The following ALDH1A2 variants were observed in gnomAD, a reference collection of about 807,000 sequenced individuals.
ALDH1A2 encodes the protein aldehyde dehydrogenase 1 family member A2, also known as retinal dehydrogenase 2.
ALDH1A2 carries 27 observed loss-of-function variants against 60.3 expected under a neutral mutation model. The ratio of observed to expected loss-of-function variants is 0.45; its 90% CI spans 0.33 to 0.62. ALDH1A2 has a LOEUF of 0.62. Among genes scored for constraint, ALDH1A2 ranks in the 20% least tolerant of loss-of-function variants. The pLI is 0.02. For synonymous variants in ALDH1A2, 289 were observed against 232.4 expected, an observed-to-expected ratio of 1.24 and a Z score of -2.21; for missense variants, 581 against 643.8, an observed-to-expected ratio of 0.90 and a Z score of 1.06.
intron 1 of ALDH1A2, among the ~76,000 whole-genome samples, chr15:58,047,536 A>T (rs1429486032): frequency 3.3e-5 from 5 of 152,038 alleles, no homozygotes; most frequent in Non-Finnish European, 7.4e-5. Context: ...ATTTACCTAT[A>T]AAAAACTGTA....
chr15:58,025,667 G>T (rs1255795638), intron 1 of ALDH1A2, among the ~76,000 whole-genome samples: 1 of 152,124 alleles, frequency 6.6e-6, no homozygotes, highest in Non-Finnish European at 1.5e-5. Context: ...TGCCGTAAAG[G>T]AATACCTGAG....
chr15:58,039,928 TG>T (rs759800931), intron 1 of ALDH1A2, among the ~76,000 whole-genome samples: 58 of 151,926 alleles, frequency 3.8e-4, no homozygotes, highest in Non-Finnish European at 7.8e-4. Context: ...TGCTAGGCAT[TG>T]GAAGATATAA....
At chr15:57,983,399 C>T (rs756395806) in intron 7 of ALDH1A2, among the ~76,000 whole-genome samples, 6 of 152,042 alleles carry the variant, frequency 3.9e-5, no homozygotes, top group African/African-American at 1.4e-4. Flanking sequence ...ATTTTGGTTC[C>T]CATAAAACTA....
intron 1 of ALDH1A2, among the ~76,000 whole-genome samples, chr15:58,017,198 TTCA>T (rs1256100500): frequency 7.2e-5 from 11 of 152,198 alleles, no homozygotes; most frequent in African/African-American, 2.7e-4. Context: ...TAGGAAGGAC[TTCA>T]TCATTTAGTA....
chr15:58,054,864 T>C (rs1896857629), intron 1 of ALDH1A2, among the ~76,000 whole-genome samples: 2 of 152,156 alleles, frequency 1.3e-5, no homozygotes, highest in African/African-American at 2.4e-5. Context: ...AAAAATCACA[T>C]ATTCCCAGGT....
intron 1 of ALDH1A2, among the ~76,000 whole-genome samples, chr15:58,061,178 G>A (rs1237200492): frequency 8.5e-5 from 13 of 152,160 alleles, no homozygotes; most frequent in African/African-American, 3.1e-4. Context: ...GACCCCAGGA[G>A]AATTATCTAA....
rs116582128 is a variant in ALDH1A2, at chr15:57,968,896, A to G, written c.799-3069T>C. 2.4e-3 allele frequency among the ~76,000 whole-genome samples: 363 copies of G among 152,338 alleles called. 1 individual carries two copies. The highest frequency in any genetic ancestry group is 8.4e-3 in the African/African-American group (350 of 41,576). ...TATACAAAAGTAAAAGTTTCAGTCT[A>G]TGATCATCAGAGAAGAATACCTAAG... On this transcript the variant is annotated intron_variant, in intron 7 of 12. Transcript: ENST00000249750.
In ALDH1A2 at chr15:57,970,551, T is replaced by C. The variant is rs147304686; in HGVS notation, c.799-4724A>G. On this transcript the variant is annotated intron_variant, in intron 7 of 12. Transcript: ENST00000249750. ...GCTTTGCAAGAAAAATAATTTGTTA[T>C]ACAGGACAAAAAGGAACACAAAAGG... Among the ~76,000 whole-genome samples, 21 of 152,312 alleles carry C rather than the reference T, an allele frequency of 1.4e-4. No individual in the cohort carries two copies. In the East Asian group the frequency reaches 4.1e-3, roughly 29 times the overall value.
intron 7 of ALDH1A2, among the ~76,000 whole-genome samples, chr15:57,976,542 G>T (rs186473634): frequency 2.0e-3 from 297 of 152,264 alleles, no homozygotes; most frequent in African/African-American, 7.0e-3. Context: ...GTGTTAGTTT[G>T]CTGAGAATGA....
intron 1 of ALDH1A2, among the ~76,000 whole-genome samples, chr15:58,037,271 T>C (rs1029213097): frequency 1.1e-4 from 17 of 151,374 alleles, no homozygotes; most frequent in Admixed American, 9.2e-4. Flanking sequence ...AAAAAAGAAT[T>C]ATGAGAAAAG....
chr15:58,062,273 A>C (rs1648081504), intron 1 of ALDH1A2, among the ~76,000 whole-genome samples: 1 of 152,242 alleles, frequency 6.6e-6, no homozygotes, highest in Admixed American at 6.5e-5. Flanking sequence ...TCACTGAAAA[A>C]GTGACCAAGA....
intron 1 of ALDH1A2, among the ~76,000 whole-genome samples, chr15:58,026,978 A>G (rs1896096520): frequency 6.6e-6 from 1 of 152,212 alleles, no homozygotes; most frequent in African/African-American, 2.4e-5. Flanking sequence ...CAACTTCTGC[A>G]GACTTAAACG....
At chr15:58,023,532 T>C (rs369671067) in intron 1 of ALDH1A2, among the ~76,000 whole-genome samples, 16 of 151,132 alleles carry the variant, frequency 1.1e-4, no homozygotes, top group Admixed American at 6.6e-4. Flanking sequence ...AAAGAGAAAA[T>C]CCTAACAACA....
intron 8 of ALDH1A2, among the ~76,000 whole-genome samples, chr15:57,965,439 C>T (rs35994637): frequency 3.3e-5 from 5 of 152,158 alleles, no homozygotes; most frequent in Admixed American, 2.6e-4. Flanking sequence ...CAGCTGAGAC[C>T]ACTGCTGTTG....
In ALDH1A2 at chr15:58,061,595, C is replaced by CAAA. The variant is rs879500544; in HGVS notation, c.117+3936_117+3938dup. Reference sequence around the variant, plus strand: ...ATATAAAGATTTAAACTCCTTCCCTCAAAAAAAAAAAAAACAAAAAAAAAA... The same window carrying CAAA: ...ATATAAAGATTTAAACTCCTTCCCTCAAAAAAAAAAAAAAAAACAAAAAAAAAA... On this transcript the variant is annotated intron_variant, in intron 1 of 12. Transcript: ENST00000249750. 1.3e-3 allele frequency among the ~76,000 whole-genome samples: 56 copies of CAAA among 43,274 alleles called. 3 individuals carry two copies. Among genetic ancestry groups the CAAA allele is most frequent in the Non-Finnish European group, 1.9e-3 (39 of 20,146 alleles). 28.4% of individuals were successfully genotyped at this position (43,274 alleles called of 152,430 possible). A position where few individuals can be genotyped will look rare whatever the true frequency, so the allele number is the denominator to read the frequency against.
intron 1 of ALDH1A2, among the ~76,000 whole-genome samples, chr15:58,035,937 TAGAGTAAACCC>T (rs2140548685): frequency 6.6e-6 from 1 of 151,814 alleles, no homozygotes; most frequent in South Asian, 2.1e-4. Flanking sequence ...CATTCACCTC[TAGAGTAAACCC>T]AGCTTTTGCA....
chr15:58,042,197 G>C (rs1359369153), intron 1 of ALDH1A2, among the ~76,000 whole-genome samples: 1 of 151,892 alleles, frequency 6.6e-6, no homozygotes, highest in Non-Finnish European at 1.5e-5. Context: ...TAATTGACAG[G>C]ACAGTAAAAT....
intron 1 of ALDH1A2, among the ~76,000 whole-genome samples, chr15:58,044,369 T>G (rs1224100099): frequency 1.3e-5 from 2 of 151,946 alleles, no homozygotes; most frequent in African/African-American, 4.8e-5. Flanking sequence ...CGGGTTCTCA[T>G]TGTTCAACTC....
At chr15:57,958,313 C>G (rs546548250) in intron 12 of ALDH1A2, among the ~76,000 whole-genome samples, 550 of 152,306 alleles carry the variant, frequency 3.6e-3, no homozygotes, top group African/African-American at 0.013. Context: ...TGCTGAGGTT[C>G]ACAGAATTCT....
Sources: gnomAD v4.1 joint callset for allele counts (sites outside exome capture counted in the v4.1 genomes callset) on GRCh38, gnomAD v4.1.1 for gene constraint, MANE v1.5 for transcripts, NCBI Gene and HGNC (gene_info 2026-07-23, HGNC 2026-07-21) for gene names.